Variants in CCDC25 observed in about 807,000 individuals in gnomAD.
The protein encoded by CCDC25 is coiled-coil domain containing 25.
CCDC25 carries 16 observed loss-of-function variants against 35.3 expected under a neutral mutation model. That is an observed-to-expected ratio of 0.45 (90% CI 0.31 to 0.69). The LOEUF is 0.69. Among genes scored for constraint, CCDC25 ranks in the 30% least tolerant of loss-of-function variants. CCDC25 has a pLI of 0.06. For missense variants in CCDC25, 179 were observed against 250.7 expected (o/e 0.71, Z 1.93); for synonymous variants, 79 against 80.3 (o/e 0.98, Z 0.09).
At chr8:27,743,458 C>T (rs983330090) in intron 7 of CCDC25, among the ~76,000 whole-genome samples, 11 of 152,244 alleles carry the variant, frequency 7.2e-5, no homozygotes, top group Non-Finnish European at 7.3e-5. Context: ...CCATTGACCT[C>T]TGCTGCTTCA....
chr8:27,763,857 G>A (rs543649626), intron 2 of CCDC25, among the ~76,000 whole-genome samples: 4 of 152,274 alleles, frequency 2.6e-5, no homozygotes, highest in Non-Finnish European at 4.4e-5. Flanking sequence ...CACATCTTGG[G>A]TAAAGGCACT....
intron 6 of CCDC25, 28 bp downstream of exon 6, chr8:27,748,467 G>A (rs1442176172): frequency 1.6e-5 from 24 of 1,543,524 alleles, no homozygotes; most frequent in Admixed American, 1.7e-5. Context: ...TCAGGGCTCC[G>A]CCTCCTTCAG....
At chr8:27,771,688 T>C (rs1472256178) in intron 1 of CCDC25, among the ~76,000 whole-genome samples, 1 of 152,072 alleles carries the variant, frequency 6.6e-6, no homozygotes, top group Non-Finnish European at 1.5e-5. Context: ...TAATACCACG[T>C]GATAAGTGCA....
intron 5 of CCDC25, among the ~76,000 whole-genome samples, chr8:27,750,176 C>T (rs1380717163): frequency 1.3e-5 from 2 of 152,088 alleles, no homozygotes; most frequent in Non-Finnish European, 2.9e-5. Flanking sequence ...CAGGAAACTG[C>T]TAAGACAGCA....
chr8:27,765,328 A>C, intron 1 of CCDC25, 77 bp from the exon 2 acceptor site: 1 of 1,219,134 alleles, frequency 8.2e-7, no homozygotes, highest in Non-Finnish European at 1.1e-6. Context: ...AACAAGTGAC[A>C]ATTCTTAGAC....
intron 1 of CCDC25, among the ~76,000 whole-genome samples, chr8:27,769,417 A>G (rs991020689): frequency 6.6e-6 from 1 of 152,272 alleles, no homozygotes. Context: ...GGAATAGAAC[A>G]GCACAAAATA....
At position 27,772,570 on chromosome 8, in the gene CCDC25, G is replaced by C; in HGVS notation, c.-30C>G. ...CCGGGAGCGGTGCGGTGACTCCACC[G>C]CGGAGCAGCAGCGCTCAACTCACGA... On this transcript the variant is annotated 5_prime_UTR_variant, in exon 1 of 9. Transcript: ENST00000356537. 3 of 1,547,852 alleles carry C rather than the reference G, an allele frequency of 1.9e-6. No individual in the cohort carries two copies. The highest frequency in any genetic ancestry group is 2.6e-6 in the Non-Finnish European group (3 of 1,145,746).
intron 1 of CCDC25, among the ~76,000 whole-genome samples, chr8:27,770,806 G>T (rs1285047818): frequency 6.6e-6 from 1 of 150,608 alleles, no homozygotes; most frequent in Non-Finnish European, 1.5e-5. Context: ...AGTAGCAATA[G>T]AATAGAAAGT....
chr8:27,757,642 CT>C (rs1471223185), intron 3 of CCDC25, among the ~76,000 whole-genome samples: 1 of 152,166 alleles, frequency 6.6e-6, no homozygotes, highest in Non-Finnish European at 1.5e-5. Context: ...ATGAACTTGA[CT>C]TTCTCTTTCC....
In CCDC25 at chr8:27,748,502, T is replaced by C; in HGVS notation, c.341A>G (p.Gln114Arg). 1 of 1,611,684 alleles carries C rather than the reference T, an allele frequency of 6.2e-7. No homozygotes were observed. The highest frequency in any genetic ancestry group is 8.5e-7 in the Non-Finnish European group (1 of 1,179,152). Residue 114 changes from glutamine to arginine, a missense_variant, in exon 6 of 9, where the codon CAG (glutamine) becomes CGG (arginine). Coordinates refer to ENST00000356537, the MANE Select transcript of CCDC25 (RefSeq NM_018246.3). Reference protein sequence around the residue: ...MDVGQIGFHRQKDVKIVTVEK... With the variant: ...MDVGQIGFHRRKDVKIVTVEK... ...GTGGCACAAAACACTTACATCCTTC[T>C]GCCTGTGAAAGCCTATCTGCCCCAC... is the stretch of plus-strand genomic sequence containing the variant.
intron 8 of CCDC25, among the ~76,000 whole-genome samples, chr8:27,740,198 T>C (rs1389762876): frequency 6.6e-6 from 1 of 152,052 alleles, no homozygotes; most frequent in African/African-American, 2.4e-5. Context: ...AAGAATAAAG[T>C]CCTGTAAATA....
chr8:27,747,524 T>G (rs1803646283), intron 7 of CCDC25, among the ~76,000 whole-genome samples: 1 of 152,236 alleles, frequency 6.6e-6, no homozygotes, highest in African/African-American at 2.4e-5. Flanking sequence ...AATAGAAAAC[T>G]AACATAATCA....
At chr8:27,751,053 A>T (rs1295433763) in intron 5 of CCDC25, among the ~76,000 whole-genome samples, 2 of 152,218 alleles carry the variant, frequency 1.3e-5, no homozygotes, top group East Asian at 3.8e-4. Context: ...ATCGTTGCAG[A>T]AGGCTGAAGA....
rs7842666 is a variant in CCDC25 at position 27,772,635 on chromosome 8, G to C, written c.-95C>G. ...GACTCGCGGCGGCCGCCTGGCCCCC[G>C]GAACTCCTCCGTGCACTTCCGGCGG... On this transcript the variant is annotated 5_prime_UTR_variant, in exon 1 of 9. Coordinates refer to ENST00000356537, the MANE Select transcript of CCDC25 (RefSeq NM_018246.3). 1 of 1,297,282 alleles carries C rather than the reference G, an allele frequency of 7.7e-7. No homozygotes were observed. 80.4% of individuals were successfully genotyped at this position (1,297,282 alleles called of 1,614,324 possible).
At chr8:27,766,974 A>G (rs1484307834) in intron 1 of CCDC25, among the ~76,000 whole-genome samples, 7 of 152,206 alleles carry the variant, frequency 4.6e-5, no homozygotes, top group South Asian at 2.1e-4. Flanking sequence ...CACATACTTC[A>G]TATGTATGGA....
chr8:27,736,181 A>C lies in CCDC25; in HGVS notation c.*35T>G, dbSNP rs765329289. On this transcript the variant is annotated 3_prime_UTR_variant, in exon 9 of 9. Coordinates refer to ENST00000356537, the MANE Select transcript of CCDC25 (RefSeq NM_018246.3). ...AAGGTCTGCAATTGTCTCTACATTCACATCTTTCAAAGGTCCTTTTCTCCT... is the reference window on the plus strand; with the variant it reads ...AAGGTCTGCAATTGTCTCTACATTCCCATCTTTCAAAGGTCCTTTTCTCCT... The C allele has an allele frequency of 1.9e-5, 30 of 1,600,066 alleles. No individual in the cohort carries two copies. Among genetic ancestry groups the C allele is most frequent in the Non-Finnish European group, 2.6e-6 (3 of 1,173,906 alleles).
chr8:27,768,917 T>C (rs1563462032), intron 1 of CCDC25, among the ~76,000 whole-genome samples: 1 of 50,258 alleles, frequency 2.0e-5, no homozygotes, highest in Non-Finnish European at 4.4e-5. Context: ...CTGGACTTAT[T>C]AGACTAATGT....
rs372276634 is a variant in CCDC25, at chr8:27,752,537, G to A, written c.219C>T (p.His73=). 1 of 1,613,494 alleles carries A rather than the reference G, an allele frequency of 6.2e-7. No individual in the cohort carries two copies. Among genetic ancestry groups the A allele is most frequent in the Non-Finnish European group, 8.5e-7 (1 of 1,179,682 alleles). ...IPKEVLMDCA[H]LVKANSIQGC... ...CTTGAATGCTATTGGCCTTCACAAG[G>A]TGGGCACAGTCCATCAGCACTTCCT... Residue 73 remains histidine, a synonymous_variant, in exon 5 of 9, where the codon CAC becomes CAT. Transcript: ENST00000356537.
chr8:27,735,263 T>G lies in CCDC25; in HGVS notation c.*953A>C, dbSNP rs1393113323. 1 of 152,624 alleles carries G rather than the reference T, an allele frequency of 6.6e-6. No individual in the cohort carries two copies. The allele number at this position is 152,624 out of a possible 1,614,324, so 9.5% of individuals were successfully genotyped here. On this transcript the variant is annotated 3_prime_UTR_variant, in exon 9 of 9. Coordinates refer to ENST00000356537, the MANE Select transcript of CCDC25 (RefSeq NM_018246.3). ...AATGGAAACACTAGCCTTTTGGTTT[T>G]GCCCACAGTTCCAAAGTGCTATTAC...
Sources: allele counts gnomAD v4.1 joint callset (sites outside exome capture counted in the v4.1 genomes callset), GRCh38; gene constraint gnomAD v4.1.1; transcripts MANE v1.5; gene names NCBI Gene and HGNC (gene_info 2026-07-23, HGNC 2026-07-21).